GPATCH2: variants seen among roughly 807,000 people sequenced by gnomAD.
GPATCH2 encodes G patch domain-containing protein 2.
Under a neutral mutation model 58.0 loss-of-function variants are expected in GPATCH2, and 51 were observed. The observed-to-expected ratio is 0.88, with a 90% confidence interval of 0.70 to 1.11. The LOEUF is 1.11. Among genes scored for constraint, GPATCH2 ranks in the 50% most tolerant of loss-of-function variants. GPATCH2 has a pLI of 0.00. For synonymous variants in GPATCH2, 222 were observed against 218.5 expected (o/e 1.02, Z -0.14); for missense variants, 625 against 652.2 (o/e 0.96, Z 0.45).
intron 8 of GPATCH2, among the ~76,000 whole-genome samples, chr1:217,453,115 CT>C: frequency 6.6e-6 from 1 of 152,272 alleles, no homozygotes; most frequent in East Asian, 1.9e-4. Flanking sequence ...CAAAGGCAGC[CT>C]TGTTTCTTCA....
intron 5 of GPATCH2, among the ~76,000 whole-genome samples, chr1:217,576,809 TC>T (rs1666825661): frequency 6.6e-6 from 1 of 152,184 alleles, no homozygotes; most frequent in South Asian, 2.1e-4. Flanking sequence ...ATCTATATCT[TC>T]TACTCCATCA....
intron 2 of GPATCH2, among the ~76,000 whole-genome samples, chr1:217,615,834 GTTCAGAT>G (rs1227149057): frequency 3.9e-5 from 6 of 152,060 alleles, no homozygotes; most frequent in African/African-American, 1.4e-4. Context: ...GCTTTTCAGA[GTTCAGAT>G]TTGCAGACAA....
At chr1:217,599,157 G>A (rs1180710323) in intron 5 of GPATCH2, among the ~76,000 whole-genome samples, 1 of 152,186 alleles carries the variant, frequency 6.6e-6, no homozygotes, top group African/African-American at 2.4e-5. Flanking sequence ...ACACCATCTG[G>A]AAAGGAGTGA....
Position 217,449,341 on chromosome 1 carries a change from C to G in GPATCH2, c.1278-4G>C, listed in dbSNP as rs758808300. 6.4e-7 allele frequency: 1 copy of G among 1,550,646 alleles called. No individual in the cohort carries two copies. The stretch of plus-strand genomic sequence containing the variant: ...TCCTAAATGCATGCTTGTTTGCCTA[C>G]GAATAATTATCAGAAAAAACTATTA... On this transcript the variant is annotated splice_polypyrimidine_tract_variant and splice_region_variant and intron_variant, in intron 8 of 9. Transcript: ENST00000366935.
At chr1:217,466,554 G>A (rs1660461144) in intron 8 of GPATCH2, among the ~76,000 whole-genome samples, 1 of 151,646 alleles carries the variant, frequency 6.6e-6, no homozygotes, top group Non-Finnish European at 1.5e-5. Flanking sequence ...AAGTATATAG[G>A]AAAAATAAAA....
chr1:217,567,257 A>G (rs1474029743), intron 5 of GPATCH2, among the ~76,000 whole-genome samples: 1 of 151,878 alleles, frequency 6.6e-6, no homozygotes, highest in Non-Finnish European at 1.5e-5. Context: ...CGTTGGTCAG[A>G]CTGGTCTTGA....
In GPATCH2 at chr1:217,460,260, C is replaced by T. The variant is rs562938508; in HGVS notation, c.1278-10923G>A. ...TGTATTTGTAACAAAGCTTTCTTGA[C>T]TCCAAGGAACTACTTTTCCCCCGTA... On this transcript the variant is annotated intron_variant, in intron 8 of 9. Coordinates refer to ENST00000366935, the MANE Select transcript of GPATCH2 (RefSeq NM_018040.5). 3.3e-5 allele frequency among the ~76,000 whole-genome samples: 5 copies of T among 152,308 alleles called. No homozygotes were observed. In the East Asian group the frequency reaches 7.7e-4, roughly 24 times the overall value.
chr1:217,451,705 C>A (rs1425066462), intron 8 of GPATCH2, among the ~76,000 whole-genome samples: 1 of 152,116 alleles, frequency 6.6e-6, no homozygotes, highest in Non-Finnish European at 1.5e-5. Flanking sequence ...AGAGCATATA[C>A]CAGACAGGCT....
At chr1:217,492,243 C>G (rs572930562) in intron 7 of GPATCH2, among the ~76,000 whole-genome samples, 2 of 152,130 alleles carry the variant, frequency 1.3e-5, no homozygotes, top group Admixed American at 6.5e-5. Context: ...ACCTACTGGC[C>G]TAACATGGTA....
At chr1:217,568,980 T>C (rs1242753973) in intron 5 of GPATCH2, among the ~76,000 whole-genome samples, 1 of 152,142 alleles carries the variant, frequency 6.6e-6, no homozygotes, top group Non-Finnish European at 1.5e-5. Flanking sequence ...TGAATACATC[T>C]GCAAATAGAT....
At chr1:217,597,058 G>C (rs1396292653) in intron 5 of GPATCH2, among the ~76,000 whole-genome samples, 1 of 152,054 alleles carries the variant, frequency 6.6e-6, no homozygotes. Context: ...GCCAGGTGTG[G>C]TGGCTCATAC....
chr1:217,595,237 T>A (rs1667769268), intron 5 of GPATCH2, among the ~76,000 whole-genome samples: 1 of 152,204 alleles, frequency 6.6e-6, no homozygotes, highest in Non-Finnish European at 1.5e-5. Context: ...ATATCATTTA[T>A]AATTTTAAAG....
intron 5 of GPATCH2, among the ~76,000 whole-genome samples, chr1:217,546,035 AT>A (rs1665028856): frequency 6.6e-6 from 1 of 152,152 alleles, no homozygotes; most frequent in Admixed American, 6.5e-5. Flanking sequence ...ACTAGTTTTT[AT>A]ATCACAAAGT....
intron 2 of GPATCH2, 63 bp from the exon 3 acceptor site, chr1:217,614,265 T>G (rs1668776591): frequency 2.2e-6 from 2 of 927,308 alleles, no homozygotes; most frequent in East Asian, 4.8e-5. Context: ...TCGTAAAATT[T>G]TAAAGAGACA....
At chr1:217,578,921 C>T (rs963716285) in intron 5 of GPATCH2, among the ~76,000 whole-genome samples, 2 of 152,182 alleles carry the variant, frequency 1.3e-5, no homozygotes, top group African/African-American at 4.8e-5. Context: ...TACTCTAGTA[C>T]ATCCCAAAGA....
At chr1:217,554,329 A>T (rs1228198127) in intron 5 of GPATCH2, among the ~76,000 whole-genome samples, 1 of 152,144 alleles carries the variant, frequency 6.6e-6, no homozygotes, top group East Asian at 1.9e-4. Flanking sequence ...AGCTAGGGCA[A>T]CCTCATCCTC....
chr1:217,463,639 T>A (rs1374112421), intron 8 of GPATCH2, among the ~76,000 whole-genome samples: 1 of 40,034 alleles, frequency 2.5e-5, no homozygotes, highest in Admixed American at 3.1e-4. Context: ...AACTTATCAC[T>A]CCAAAAAAAA....
intron 5 of GPATCH2, among the ~76,000 whole-genome samples, chr1:217,537,998 T>C (rs1039174981): frequency 1.3e-5 from 2 of 152,166 alleles, no homozygotes; most frequent in African/African-American, 2.4e-5. Context: ...TTTTAGATTG[T>C]ATAAAGATGA....
intron 8 of GPATCH2, among the ~76,000 whole-genome samples, chr1:217,453,882 CT>C (rs1360018236): frequency 6.6e-6 from 1 of 152,158 alleles, no homozygotes; most frequent in African/African-American, 2.4e-5. Flanking sequence ...AAGCTGCCCC[CT>C]GGATAAAATG....
Sources: gnomAD v4.1 joint callset for allele counts (sites outside exome capture counted in the v4.1 genomes callset) on GRCh38, gnomAD v4.1.1 for gene constraint, MANE v1.5 for transcripts, NCBI Gene and HGNC (gene_info 2026-07-23, HGNC 2026-07-21) for gene names.